COG3: variants seen among roughly 807,000 people sequenced by gnomAD.
The protein encoded by COG3 is component of oligomeric golgi complex 3.
A neutral mutation model predicts 114.1 loss-of-function variants in COG3; 32 were observed. The ratio of observed to expected loss-of-function variants is 0.28; its 90% CI spans 0.21 to 0.38. The LOEUF (loss-of-function observed/expected upper bound fraction) is 0.38. COG3 is among the 10% of genes least tolerant of loss of function. COG3 has a pLI of 1.00. For synonymous variants in COG3, 352 were observed against 365.7 expected, an observed-to-expected ratio of 0.96 and a Z score of 0.43; for missense variants, 813 against 973.2, an observed-to-expected ratio of 0.84 and a Z score of 2.19.
At chr13:45,476,758 C>T (rs1885891968) in intron 2 of COG3, among the ~76,000 whole-genome samples, 1 of 152,050 alleles carries the variant, frequency 6.6e-6, no homozygotes, top group South Asian at 2.1e-4. Context: ...AGTTATTTTT[C>T]AGTAATTTAG....
In COG3 at chr13:45,535,778, A is replaced by G. The variant is rs1873512782; in HGVS notation, c.*1047A>G. 1 of 987,606 alleles carries G rather than the reference A, an allele frequency of 1.0e-6. No individual in the cohort carries two copies. The highest frequency in any genetic ancestry group is 1.2e-6 in the Non-Finnish European group (1 of 830,090). 61.2% of individuals were successfully genotyped at this position (987,606 alleles called of 1,614,324 possible). ...CATCTGAAAACTACCACACCATATC[A>G]GGGATCATAAATTATGCATATCTAT... On this transcript the variant is annotated 3_prime_UTR_variant, in exon 23 of 23. Coordinates refer to ENST00000349995, the MANE Select transcript of COG3 (RefSeq NM_031431.4).
intron 19 of COG3, among the ~76,000 whole-genome samples, chr13:45,524,115 C>G (rs1226106816): frequency 1.3e-5 from 2 of 152,018 alleles, no homozygotes; most frequent in African/African-American, 2.4e-5. Context: ...CTGTGTCTGC[C>G]CATTATACCC....
chr13:45,465,266 C>A, intron 1 of COG3, 56 bp downstream of exon 1: 1 of 1,589,286 alleles, frequency 6.3e-7, no homozygotes, highest in South Asian at 1.1e-5. Context: ...TCTCCTCGGG[C>A]GCCCCGGCAG....
chr13:45,519,798 T>C (rs897065417), intron 19 of COG3, among the ~76,000 whole-genome samples: 28 of 152,356 alleles, frequency 1.8e-4, no homozygotes, highest in African/African-American at 6.5e-4. Context: ...TGATATTAAG[T>C]GAGGACTGAC....
At position 45,473,719 on chromosome 13, in the gene COG3, GTTATC is replaced by G. The variant is rs767433819; in HGVS notation, c.175-2479_175-2475del. ...TTACATGCAGCATTGCTTCAGGTGG[GTTATC>G]TTGAGTCTTGGGTGGCTCCCCAAGG... is the stretch of plus-strand genomic sequence containing the variant. On this transcript the variant is annotated intron_variant, in intron 1 of 22. Transcript: ENST00000349995. Among the ~76,000 whole-genome samples, 215 of 152,286 alleles carry G rather than the reference GTTATC, an allele frequency of 1.4e-3. 1 individual carries two copies. The highest frequency in any genetic ancestry group is 2.6e-3 in the Non-Finnish European group (177 of 68,014).
chr13:45,535,552 TC>T lies in COG3; in HGVS notation c.*823del. ...GAGAAGGAAACCTGAGGAGTAGTGT[TC>T]CTCCTGAATGAAGGTTCAGGTCACC... On this transcript the variant is annotated 3_prime_UTR_variant, in exon 23 of 23. Transcript: ENST00000349995. 2 of 985,616 alleles carry T rather than the reference TC, an allele frequency of 2.0e-6. No individual in the cohort carries two copies. Among genetic ancestry groups the T allele is most frequent in the Non-Finnish European group, 2.4e-6 (2 of 830,088 alleles). The allele number at this position is 985,616 out of a possible 1,614,324, so 61.1% of individuals were successfully genotyped here. A position where few individuals can be genotyped will look rare whatever the true frequency, so the allele number is the denominator to read the frequency against.
chr13:45,531,682 A>G lies in COG3; in HGVS notation c.2457+902A>G, dbSNP rs951314736. On this transcript the variant is annotated intron_variant, in intron 22 of 22. Transcript: ENST00000349995. Reference sequence around the variant, plus strand: ...GCCACCATGCCGAGCTAATTTTTGTATTTGGTAGACAGAGGGTTTCACCAT... The same window carrying G: ...GCCACCATGCCGAGCTAATTTTTGTGTTTGGTAGACAGAGGGTTTCACCAT... 2.0e-5 allele frequency among the ~76,000 whole-genome samples: 3 copies of G among 151,770 alleles called. No homozygotes were observed. The East Asian group carries it at 5.8e-4, about 29-fold the overall frequency.
chr13:45,491,958 C>G (rs1057312995), intron 10 of COG3, among the ~76,000 whole-genome samples: 9 of 152,118 alleles, frequency 5.9e-5, no homozygotes, highest in African/African-American at 1.9e-4. Flanking sequence ...AGTTTAGAAA[C>G]TAAAGCATTA....
At chr13:45,488,965 AT>A (rs1886840198) in intron 8 of COG3, among the ~76,000 whole-genome samples, 1 of 151,786 alleles carries the variant, frequency 6.6e-6, no homozygotes, top group Non-Finnish European at 1.5e-5. Flanking sequence ...AGGAGGGCGG[AT>A]CCCTTGAGTT....
At position 45,476,195 on chromosome 13, in the gene COG3, T is replaced by C. The variant is rs199763326; in HGVS notation, c.175-6T>C. 167 of 1,613,498 alleles carry C rather than the reference T, an allele frequency of 1.0e-4. No homozygotes were observed. Among genetic ancestry groups the C allele is most frequent in the Non-Finnish European group, 1.3e-4 (159 of 1,179,964 alleles). ...TTAAATATCTTTGTGACTCTCTTTT[T>C]TCAAGCTTCCAATTGAAGACTTGTG... On this transcript the variant is annotated splice_polypyrimidine_tract_variant and splice_region_variant and intron_variant, in intron 1 of 22. Transcript: ENST00000349995.
chr13:45,490,009 G>C (rs1039070867), intron 8 of COG3, among the ~76,000 whole-genome samples: 1 of 152,052 alleles, frequency 6.6e-6, no homozygotes, highest in African/African-American at 2.4e-5. Flanking sequence ...ACGGTATTGG[G>C]AAGATTTGCT....
At position 45,536,660 on chromosome 13, in the gene COG3, C is replaced by G. The variant is rs1873564891; in HGVS notation, c.*1929C>G. On this transcript the variant is annotated 3_prime_UTR_variant, in exon 23 of 23. Transcript: ENST00000349995. ...CACGTGTCTGATACGTGTGTGCATT[C>G]CTTGAGGAAAATTTCTTTAATTAAA... 1 of 152,122 alleles carries G rather than the reference C, an allele frequency of 6.6e-6. No individual in the cohort carries two copies. Among genetic ancestry groups the G allele is most frequent in the Non-Finnish European group, 1.5e-5 (1 of 68,020 alleles). 9.4% of individuals were successfully genotyped at this position (152,122 alleles called of 1,614,324 possible).
chr13:45,523,005 G>C (rs1872326487), intron 19 of COG3, among the ~76,000 whole-genome samples: 1 of 151,546 alleles, frequency 6.6e-6, no homozygotes, highest in South Asian at 2.1e-4. Flanking sequence ...GATCATATGT[G>C]TATCTGTAAA....
At chr13:45,512,060 A>G in intron 16 of COG3, 1 of 482,408 alleles carries the variant, frequency 2.1e-6, no homozygotes, top group Non-Finnish European at 3.7e-6. Flanking sequence ...ACTTTGCTAA[A>G]GTACCAAAAG....
chr13:45,514,444 A>T (rs1871320862), intron 16 of COG3, among the ~76,000 whole-genome samples: 1 of 152,184 alleles, frequency 6.6e-6, no homozygotes, highest in Admixed American at 6.5e-5. Context: ...TACAGGAGTG[A>T]GCCACTGCAC....
At chr13:45,492,310 G>C in intron 11 of COG3, 60 bp downstream of exon 11, 1 of 918,398 alleles carries the variant, frequency 1.1e-6, no homozygotes, top group Non-Finnish European at 1.7e-6. Flanking sequence ...TGACCATAAT[G>C]AATCAGTATA....
rs2137801371 is a variant in COG3 at position 45,481,321 on chromosome 13, ACTT to A, written c.624+21_624+23del. The A allele has an allele frequency of 2.2e-6, 3 of 1,339,740 alleles. No individual in the cohort carries two copies. In the South Asian group the frequency reaches 3.7e-5, roughly 17 times the overall value. The allele number at this position is 1,339,740 out of a possible 1,614,324, so 83.0% of individuals were successfully genotyped here. On this transcript the variant is annotated intron_variant, in intron 5 of 22. Transcript: ENST00000349995. Reference sequence around the variant, plus strand: ...ATTAACACAGTAAGCATTGTTCTTTACTTCTTATAAAGTTAGTGATTTTTGTTT... The same window carrying A: ...ATTAACACAGTAAGCATTGTTCTTTACTTATAAAGTTAGTGATTTTTGTTT...
intron 21 of COG3, 132 bp downstream of exon 21, chr13:45,530,050 A>G (rs1873032424): frequency 4.0e-6 from 4 of 991,812 alleles, no homozygotes; most frequent in Admixed American, 2.9e-5. Context: ...AATAATCACT[A>G]TGATTCATGA....
chr13:45,516,306 T>A (rs1229025485), intron 17 of COG3, 43 bp downstream of exon 17: 17 of 1,432,544 alleles, frequency 1.2e-5, no homozygotes, highest in Non-Finnish European at 1.6e-5. Context: ...GTGTTTGATC[T>A]GTCCAGATGT....
Sources: allele counts gnomAD v4.1 joint callset (sites outside exome capture counted in the v4.1 genomes callset), GRCh38; gene constraint gnomAD v4.1.1; transcripts MANE v1.5; gene names NCBI Gene and HGNC (gene_info 2026-07-23, HGNC 2026-07-21).